SSH2: variants seen among roughly 807,000 people sequenced by gnomAD.
SSH2 encodes the protein protein phosphatase Slingshot homolog 2.
SSH2 carries 37 observed loss-of-function variants against 135.2 expected under a neutral mutation model. The ratio of observed to expected loss-of-function variants is 0.27; its 90% CI spans 0.21 to 0.36. The LOEUF is 0.36. Ranked by LOEUF, SSH2 falls within the 10% of genes least tolerant of loss-of-function variation. The probability of loss-of-function intolerance (pLI) is 1.00; values close to 1 mark genes in which losing one functional copy is unlikely to be tolerated. For missense variants in SSH2, 1,408 were observed against 1,765.3 expected (o/e 0.80, Z 3.63); for synonymous variants, 628 against 646.2 (o/e 0.97, Z 0.43).
chr17:29,778,589 G>A (rs1220923765), intron 3 of SSH2, among the ~76,000 whole-genome samples: 1 of 151,894 alleles, frequency 6.6e-6, no homozygotes, highest in Non-Finnish European at 1.5e-5. Context: ...GCAGTGAGCC[G>A]AGATCACGCC....
At chr17:29,833,578 A>G (rs1207562985) in intron 2 of SSH2, among the ~76,000 whole-genome samples, 1 of 151,820 alleles carries the variant, frequency 6.6e-6, no homozygotes, top group Non-Finnish European at 1.5e-5. Flanking sequence ...GTCCATTTAC[A>G]TTCAATGTTA....
At chr17:29,734,855 A>G (rs2040313944) in intron 3 of SSH2, among the ~76,000 whole-genome samples, 2 of 152,216 alleles carry the variant, frequency 1.3e-5, no homozygotes, top group Admixed American at 6.5e-5. Flanking sequence ...AATCCTTCTC[A>G]ATAGAGAGAA....
At chr17:29,692,364 C>A (rs2038523230) in intron 5 of SSH2, among the ~76,000 whole-genome samples, 1 of 152,132 alleles carries the variant, frequency 6.6e-6, no homozygotes, top group African/African-American at 2.4e-5. Context: ...AGATGACTCA[C>A]TCAATAAGCT....
At chr17:29,674,575 TC>T (rs1257763349) in intron 8 of SSH2, among the ~76,000 whole-genome samples, 2 of 152,204 alleles carry the variant, frequency 1.3e-5, no homozygotes, top group African/African-American at 4.8e-5. Flanking sequence ...GTTGCTTTGA[TC>T]CACACATCAT....
In SSH2 at chr17:29,709,033, G is replaced by GAA. The variant is rs1332048518; in HGVS notation, c.189-5972_189-5971insTT. Among the ~76,000 whole-genome samples, 104 of 145,572 alleles carry GAA rather than the reference G, an allele frequency of 7.1e-4. 1 individual carries two copies. Among genetic ancestry groups the GAA allele is most frequent in the African/African-American group, 2.5e-3 (97 of 39,262 alleles). On this transcript the variant is annotated intron_variant, in intron 3 of 15. Coordinates refer to ENST00000540801, the MANE Select transcript of SSH2 (RefSeq NM_001282129.2). Reference sequence around the variant, plus strand: ...ATATATATAGAGAGAGAGAGAGAGAGAGAGAGAGAGAGAGAGAGAGCTAAT... The same window carrying GAA: ...ATATATATAGAGAGAGAGAGAGAGAGAAAGAGAGAGAGAGAGAGAGAGCTAAT...
At chr17:29,886,655 G>A (rs1046412809) in intron 1 of SSH2, among the ~76,000 whole-genome samples, 2 of 151,146 alleles carry the variant, frequency 1.3e-5, no homozygotes, top group Non-Finnish European at 2.9e-5. Flanking sequence ...GCTGAGACAG[G>A]AGAATTGCTT....
chr17:29,742,387 C>A (rs1198189671), intron 3 of SSH2, among the ~76,000 whole-genome samples: 2 of 149,724 alleles, frequency 1.3e-5, no homozygotes, highest in Non-Finnish European at 3.0e-5. Flanking sequence ...GGCACAATCA[C>A]AGCTCACTGA....
chr17:29,866,116 AAAG>A (rs1320052513), intron 1 of SSH2: 2 of 152,396 alleles, frequency 1.3e-5, no homozygotes, highest in African/African-American at 2.4e-5. Flanking sequence ...AAAAAAAAAA[AAAG>A]AAAGAAAAGA....
At chr17:29,647,260 T>C (rs1342214751) in intron 14 of SSH2, among the ~76,000 whole-genome samples, 1 of 141,470 alleles carries the variant, frequency 7.1e-6, no homozygotes, top group Non-Finnish European at 1.5e-5. Context: ...AGACTCTGTC[T>C]CAAAAAAAAA....
intron 3 of SSH2, among the ~76,000 whole-genome samples, chr17:29,721,751 T>C (rs1428093545): frequency 6.6e-6 from 1 of 152,120 alleles, no homozygotes; most frequent in Non-Finnish European, 1.5e-5. Context: ...GGGAAAATGA[T>C]GAGGAGGCAT....
At chr17:29,758,216 T>G (rs1010269807) in intron 3 of SSH2, among the ~76,000 whole-genome samples, 3 of 152,212 alleles carry the variant, frequency 2.0e-5, no homozygotes, top group Non-Finnish European at 2.9e-5. Flanking sequence ...CAAAGATAAT[T>G]CCTCAGACTG....
Position 29,636,744 on chromosome 17 carries a change from G to T in SSH2, c.1486C>A (p.His496Asn). 1 of 1,614,064 alleles carries T rather than the reference G, an allele frequency of 6.2e-7. No individual in the cohort carries two copies. The highest frequency in any genetic ancestry group is 8.5e-7 in the Non-Finnish European group (1 of 1,180,012). Residue 496 changes from histidine (H) to asparagine (N), a missense_variant, in exon 15 of 16, where the codon CAC becomes AAC. Physicochemically the swap from His to Asn is moderately conservative, Grantham distance 68. Transcript: ENST00000540801. The stretch of plus-strand genomic sequence containing the variant: ...AGCCCAGGTTTGCAGATGGGTTCGT[G>T]GTGGTCTGAGAGGTCACTATCTGAA... ...SHSDSDLSDH[H>N]EPICKPGLEL...
chr17:29,908,443 C>T (rs1193515479), intron 1 of SSH2, among the ~76,000 whole-genome samples: 1 of 151,972 alleles, frequency 6.6e-6, no homozygotes, highest in East Asian at 1.9e-4. Context: ...CTAGCCTGTG[C>T]AACAGAGGAA....
chr17:29,751,274 G>T (rs2040931856), intron 3 of SSH2, among the ~76,000 whole-genome samples: 1 of 152,164 alleles, frequency 6.6e-6, no homozygotes, highest in South Asian at 2.1e-4. Context: ...AAGTAGCCAG[G>T]TGTGGTGGTG....
At chr17:29,671,081 G>C (rs1221989113) in intron 9 of SSH2, among the ~76,000 whole-genome samples, 1 of 152,122 alleles carries the variant, frequency 6.6e-6, no homozygotes, top group East Asian at 1.9e-4. Flanking sequence ...CTAACTCACA[G>C]TACACTAGGG....
chr17:29,688,397 C>T (rs546555580), intron 5 of SSH2, among the ~76,000 whole-genome samples: 1 of 152,240 alleles, frequency 6.6e-6, no homozygotes, highest in South Asian at 2.1e-4. Context: ...ACAGAAGTTC[C>T]CAAACCTAAT....
intron 5 of SSH2, among the ~76,000 whole-genome samples, chr17:29,690,280 C>T (rs1354197628): frequency 9.9e-5 from 15 of 151,740 alleles, no homozygotes; most frequent in East Asian, 3.9e-4. Context: ...TGGCGCATGC[C>T]GGTAATCCCA....
intron 11 of SSH2, among the ~76,000 whole-genome samples, chr17:29,655,837 C>G (rs2036758589): frequency 6.6e-6 from 1 of 152,134 alleles, no homozygotes; most frequent in African/African-American, 2.4e-5. Flanking sequence ...TCATAGAATT[C>G]AAATAATTTT....
chr17:29,845,973 G>C (rs2043126609), intron 2 of SSH2, among the ~76,000 whole-genome samples: 1 of 151,916 alleles, frequency 6.6e-6, no homozygotes, highest in Non-Finnish European at 1.5e-5. Flanking sequence ...TAGTCTCTTT[G>C]AGACAAAATC....
Sources: gnomAD v4.1 joint callset for allele counts (sites outside exome capture counted in the v4.1 genomes callset) on GRCh38, gnomAD v4.1.1 for gene constraint, MANE v1.5 for transcripts, NCBI Gene and HGNC (gene_info 2026-07-23, HGNC 2026-07-21) for gene names.